FUT8: variants seen among roughly 807,000 people sequenced by gnomAD.
FUT8 encodes the protein alpha-(1,6)-fucosyltransferase.
In FUT8, 29 loss-of-function variants were observed where a neutral mutation model predicts 71.3. The ratio of observed to expected loss-of-function variants is 0.41; its 90% CI spans 0.30 to 0.55. The LOEUF is 0.55. Ranked by LOEUF, FUT8 falls within the 20% of genes least tolerant of loss-of-function variation. The pLI is 0.34. For missense variants in FUT8, 544 were observed against 702.1 expected, an observed-to-expected ratio of 0.77 and a Z score of 2.55; for synonymous variants, 254 against 239.3, an observed-to-expected ratio of 1.06 and a Z score of -0.57.
intron 9 of FUT8, 36 bp from the exon 10 acceptor site, chr14:65,733,195 A>G (rs762879087): frequency 9.4e-6 from 13 of 1,389,236 alleles, no homozygotes; most frequent in Non-Finnish European, 1.3e-5. Context: ...ATACTGTGAT[A>G]TCTATGACCA....
At chr14:65,587,887 A>G (rs1887478774) in intron 3 of FUT8, among the ~76,000 whole-genome samples, 1 of 152,236 alleles carries the variant, frequency 6.6e-6, no homozygotes, top group Admixed American at 6.5e-5. Context: ...CATGTAAACC[A>G]AAGTAAATCT....
chr14:65,579,058 T>TA (rs1368988364), intron 3 of FUT8, among the ~76,000 whole-genome samples: 2 of 151,992 alleles, frequency 1.3e-5, no homozygotes, highest in Non-Finnish European at 2.9e-5. Context: ...TTCAAAAGTG[T>TA]AATTTAATGT....
At chr14:65,597,145 C>T (rs1373227381) in intron 3 of FUT8, among the ~76,000 whole-genome samples, 1 of 152,146 alleles carries the variant, frequency 6.6e-6, no homozygotes, top group African/African-American at 2.4e-5. Context: ...GGTTAAATAA[C>T]TTGCCCAGAG....
At position 65,616,086 on chromosome 14, in the gene FUT8, C is replaced by T. The variant is rs775567580; in HGVS notation, c.312C>T (p.Thr104=). Residue 104 remains threonine (T), a synonymous_variant, in exon 4 of 11, where the codon ACC becomes ACT. Transcript: ENST00000673929. Reference sequence around the variant, plus strand: ...AGATTGAAAATTACAAGAAACAGACCAGAAATGGTAGGTGATTATACAGTG... The same window carrying T: ...AGATTGAAAATTACAAGAAACAGACTAGAAATGGTAGGTGATTATACAGTG... ...KEQIENYKKQ[T]RNGLGKDHEI... is the part of the protein sequence containing the mutation. 1.9e-6 allele frequency: 3 copies of T among 1,613,186 alleles called. No homozygotes were observed. The South Asian group carries it at 3.3e-5, about 18-fold the overall frequency.
rs750462136 is a variant in FUT8 at position 65,669,679 on chromosome 14, C to T, written c.835+199C>T. 6.6e-6 allele frequency among the ~76,000 whole-genome samples: 1 copy of T among 152,112 alleles called. No individual in the cohort carries two copies. The highest frequency in any genetic ancestry group is 6.5e-5 in the Admixed American group (1 of 15,272). The stretch of plus-strand genomic sequence containing the variant: ...TATTATGTATTTCATTTCTGATGCT[C>T]ATTTTTATGTGAATTTAGCAAAATC... On this transcript the variant is annotated intron_variant, in intron 7 of 10. Transcript: ENST00000673929. The surrounding 1 kb of genome is among the most constrained non-coding windows in gnomAD (Gnocchi z 4.5).
the FUT8 span, among the ~76,000 whole-genome samples, chr14:65,403,884 A>G: frequency 2.0e-5 from 3 of 151,724 alleles, no homozygotes; most frequent in Admixed American, 6.6e-5. Context: ...GAGCCTTTCT[A>G]GATTTGTTTC....
At chr14:65,440,428 G>A (rs2065636151) in intron 1 of FUT8, among the ~76,000 whole-genome samples, 1 of 151,298 alleles carries the variant, frequency 6.6e-6, no homozygotes, top group East Asian at 1.9e-4. Context: ...CAATCTTCCT[G>A]CCTCAGCCTA....
intron 7 of FUT8, among the ~76,000 whole-genome samples, chr14:65,699,651 T>C (rs375838856): frequency 3.9e-5 from 6 of 152,290 alleles, no homozygotes. Context: ...GAATTGCAGA[T>C]TTCTCATTGC....
chr14:65,609,921 C>T (rs1186995252), intron 3 of FUT8, among the ~76,000 whole-genome samples: 2 of 151,614 alleles, frequency 1.3e-5, no homozygotes, highest in Non-Finnish European at 2.9e-5. Context: ...ATTTATAAGT[C>T]GTGCCCATCT....
intron 8 of FUT8, 51 bp downstream of exon 8, chr14:65,722,072 A>T: frequency 6.3e-7 from 1 of 1,588,884 alleles, no homozygotes; most frequent in Non-Finnish European, 8.6e-7. Context: ...AGTTAGGGTT[A>T]TGTATCTTTA....
At chr14:65,368,514 G>T in the FUT8 span, among the ~76,000 whole-genome samples, 2,658 of 130,340 alleles carry the variant, frequency 0.02, 382 homozygotes, top group Middle Eastern at 0.038. Context: ...CTATTTTTTT[G>T]TTGTTGTTGT....
At chr14:65,366,532 C>T in the FUT8 span, among the ~76,000 whole-genome samples, 1 of 152,180 alleles carries the variant, frequency 6.6e-6, no homozygotes, top group Admixed American at 6.5e-5. Flanking sequence ...ATGTACCCAA[C>T]AGCCCACCAG....
At chr14:65,585,612 A>T (rs1014904192) in intron 3 of FUT8, among the ~76,000 whole-genome samples, 10 of 152,232 alleles carry the variant, frequency 6.6e-5, no homozygotes, top group Admixed American at 4.6e-4. Context: ...TGTTCTTTTG[A>T]TGCAACTATG....
chr14:65,481,064 A>G (rs2066323516), intron 2 of FUT8, among the ~76,000 whole-genome samples: 1 of 152,036 alleles, frequency 6.6e-6, no homozygotes, highest in Non-Finnish European at 1.5e-5. Context: ...TTACATTTCC[A>G]TCAGCACTGC....
At chr14:65,408,260 A>T (rs1292570217), upstream of FUT8, among the ~76,000 whole-genome samples, 1 of 152,046 alleles carries the variant, frequency 6.6e-6, no homozygotes, top group Non-Finnish European at 1.5e-5. Context: ...GAGTCTGGAG[A>T]AGAGTAAACA....
chr14:65,642,773 T>C (rs1259271733), intron 6 of FUT8, among the ~76,000 whole-genome samples: 1 of 152,182 alleles, frequency 6.6e-6, no homozygotes, highest in Non-Finnish European at 1.5e-5. Flanking sequence ...GTTCTTTGCA[T>C]TTTCATTTAA....
intron 7 of FUT8, among the ~76,000 whole-genome samples, chr14:65,703,798 G>T (rs968479683): frequency 6.6e-6 from 1 of 152,254 alleles, no homozygotes. Flanking sequence ...TGCTGCTCCA[G>T]TTCCTGTTTT....
chr14:65,409,343 TA>T (rs1212265223), upstream of FUT8, among the ~76,000 whole-genome samples: 1 of 152,230 alleles, frequency 6.6e-6, no homozygotes, highest in African/African-American at 2.4e-5. This position sits in a 1 kb window ranked among gnomAD's most constrained non-coding sequence, Gnocchi z 5.4. Context: ...ATTTGGTAAG[TA>T]GCTTATGCTA....
intron 7 of FUT8, among the ~76,000 whole-genome samples, chr14:65,709,800 C>T (rs576931828): frequency 1.3e-5 from 2 of 152,226 alleles, no homozygotes; most frequent in East Asian, 1.9e-4. Context: ...GAGGCACAGC[C>T]GTTTCTGACT....
Sources: gnomAD v4.1 joint callset for allele counts (sites outside exome capture counted in the v4.1 genomes callset) on GRCh38, gnomAD v4.1.1 for gene constraint, Gnocchi (gnomAD v3.1) non-coding constraint, MANE v1.5 for transcripts, NCBI Gene and HGNC (gene_info 2026-07-23, HGNC 2026-07-21) for gene names.